The following MCU variants were observed in gnomAD, a reference collection of about 807,000 sequenced individuals.
MCU encodes the protein calcium uniporter protein, mitochondrial.
In MCU, 12 loss-of-function variants were observed where a neutral mutation model predicts 45.2. That is an observed-to-expected ratio of 0.27 (90% CI 0.17 to 0.43). MCU has a LOEUF of 0.43. Among genes scored for constraint, MCU ranks in the 20% least tolerant of loss-of-function variants. MCU has a pLI of 1.00. For synonymous variants in MCU, 160 were observed against 165.1 expected (o/e 0.97, Z 0.24); for missense variants, 324 against 436.7 (o/e 0.74, Z 2.30).
At chr10:72,860,323 G>A (rs1030429982) in intron 3 of MCU, 100 bp from the exon 4 acceptor site, 15 of 962,908 alleles carry the variant, frequency 1.6e-5, no homozygotes, top group Admixed American at 6.6e-5. Flanking sequence ...AATTTTAAAA[G>A]GAAGAGGTAA....
At chr10:72,809,941 A>G (rs1434135138) in intron 1 of MCU, among the ~76,000 whole-genome samples, 3 of 152,126 alleles carry the variant, frequency 2.0e-5, no homozygotes, top group African/African-American at 7.2e-5. Flanking sequence ...AAGAAGGCAT[A>G]ATAGTATGAG....
chr10:72,777,515 C>T (rs1335985803), intron 1 of MCU, among the ~76,000 whole-genome samples: 1 of 152,122 alleles, frequency 6.6e-6, no homozygotes, highest in African/African-American at 2.4e-5. Context: ...CGAAACTAGA[C>T]CCCTAACTCT....
At chr10:72,804,390 A>G (rs1844398175) in intron 1 of MCU, among the ~76,000 whole-genome samples, 1 of 151,944 alleles carries the variant, frequency 6.6e-6, no homozygotes, top group Admixed American at 6.6e-5. Flanking sequence ...CGCTCGGACA[A>G]TTTACCTATT....
chr10:72,845,825 A>G (rs868250168), intron 2 of MCU, among the ~76,000 whole-genome samples: 1 of 152,138 alleles, frequency 6.6e-6, no homozygotes, highest in Non-Finnish European at 1.5e-5. Context: ...TTCCTTATAT[A>G]TAGGAGTTTA....
intron 1 of MCU, among the ~76,000 whole-genome samples, chr10:72,712,727 G>T (rs138048036): frequency 6.6e-6 from 1 of 152,274 alleles, no homozygotes; most frequent in East Asian, 1.9e-4. Context: ...TAATAATTCT[G>T]TACATATTAG....
At chr10:72,699,331 C>A (rs1246760382) in intron 1 of MCU, among the ~76,000 whole-genome samples, 3 of 151,876 alleles carry the variant, frequency 2.0e-5, no homozygotes, top group Non-Finnish European at 4.4e-5. Flanking sequence ...ATGGTGAAAC[C>A]CCGTCTCTAC....
rs555546123 is a variant in MCU at position 72,742,038 on chromosome 10, A to C, written c.150+49737A>C. Among the ~76,000 whole-genome samples the C allele has an allele frequency of 3.2e-4, 49 of 151,628 alleles. 1 individual carries two copies. The highest frequency in any genetic ancestry group is 2.1e-3 in the East Asian group (11 of 5,178). ...ACTCCGTCTCAAAAAAAAAAAAAAA[A>C]AAAAAAACAAAAACGACATTGCAGT... On this transcript the variant is annotated intron_variant, in intron 1 of 7. Transcript: ENST00000373053.
intron 1 of MCU, among the ~76,000 whole-genome samples, chr10:72,754,651 A>G (rs1196762844): frequency 1.3e-5 from 2 of 152,204 alleles, no homozygotes; most frequent in East Asian, 3.8e-4. Context: ...GGAGGCAGAG[A>G]CAGGGTTTCA....
intron 6 of MCU, among the ~76,000 whole-genome samples, chr10:72,874,828 AT>A (rs1420214674): frequency 1.3e-5 from 2 of 152,182 alleles, no homozygotes; most frequent in African/African-American, 4.8e-5. Context: ...TCTCTTGCTG[AT>A]TAATTGGGTA....
intron 2 of MCU, among the ~76,000 whole-genome samples, chr10:72,845,832 T>C (rs1408269444): frequency 6.6e-6 from 1 of 151,854 alleles, no homozygotes; most frequent in Non-Finnish European, 1.5e-5. Context: ...TATATAGGAG[T>C]TTAAGTGAAT....
At chr10:72,827,974 A>G (rs979086715) in intron 1 of MCU, among the ~76,000 whole-genome samples, 1 of 152,200 alleles carries the variant, frequency 6.6e-6, no homozygotes, top group Admixed American at 6.5e-5. Context: ...ATGCTTCAAC[A>G]ACTTTACTGT....
intron 1 of MCU, among the ~76,000 whole-genome samples, chr10:72,809,503 T>G (rs1406015620): frequency 6.6e-6 from 1 of 152,208 alleles, no homozygotes; most frequent in African/African-American, 2.4e-5. Flanking sequence ...CCTGAGAGAC[T>G]GACCAAAAAG....
chr10:72,821,564 A>G (rs1165409214), intron 1 of MCU, among the ~76,000 whole-genome samples: 1 of 152,146 alleles, frequency 6.6e-6, no homozygotes, highest in African/African-American at 2.4e-5. Context: ...GAAACAAACA[A>G]GCATGCTTTT....
At chr10:72,884,884 A>C (rs1164690113) in intron 7 of MCU, among the ~76,000 whole-genome samples, 1 of 152,166 alleles carries the variant, frequency 6.6e-6, no homozygotes, top group Non-Finnish European at 1.5e-5. Context: ...ATTTTTCATA[A>C]AAGCTACCTC....
At chr10:72,749,052 A>G (rs770779057) in intron 1 of MCU, among the ~76,000 whole-genome samples, 3 of 152,182 alleles carry the variant, frequency 2.0e-5, no homozygotes, top group South Asian at 2.1e-4. Context: ...GTTTGAGCCC[A>G]GGAGTTCAAG....
intron 2 of MCU, among the ~76,000 whole-genome samples, chr10:72,858,165 CT>C (rs1845321186): frequency 6.6e-6 from 1 of 152,126 alleles, no homozygotes; most frequent in South Asian, 2.1e-4. Flanking sequence ...AGGATGCATG[CT>C]GAGCAGGGTG....
intron 1 of MCU, among the ~76,000 whole-genome samples, chr10:72,705,553 C>G (rs1358805625): frequency 6.6e-6 from 1 of 152,144 alleles, no homozygotes; most frequent in Admixed American, 6.5e-5. Flanking sequence ...CTCAGTGGCT[C>G]ATGCCTGTAA....
At chr10:72,832,420 A>G (rs1186264511) in intron 1 of MCU, among the ~76,000 whole-genome samples, 2 of 152,220 alleles carry the variant, frequency 1.3e-5, no homozygotes, top group Non-Finnish European at 2.9e-5. Flanking sequence ...AAGAACACAC[A>G]AAGATGTAAC....
At chr10:72,709,065 G>A (rs1330309331) in intron 1 of MCU, among the ~76,000 whole-genome samples, 3 of 152,110 alleles carry the variant, frequency 2.0e-5, no homozygotes, top group Non-Finnish European at 2.9e-5. Context: ...CATGATTGGT[G>A]GGGGTATGGG....
Sources: allele counts gnomAD v4.1 joint callset (sites outside exome capture counted in the v4.1 genomes callset), GRCh38; gene constraint gnomAD v4.1.1; transcripts MANE v1.5; gene names NCBI Gene and HGNC (gene_info 2026-07-23, HGNC 2026-07-21).